Variants in LMBR1 observed in about 807,000 individuals in gnomAD.
LMBR1 encodes limb development membrane protein 1, also known as limb region 1 protein homolog.
A neutral mutation model predicts 73.9 loss-of-function variants in LMBR1; 52 were observed. The ratio of observed to expected loss-of-function variants is 0.70; its 90% CI spans 0.56 to 0.89. LMBR1 has a LOEUF of 0.89. Ranked by LOEUF, LMBR1 falls within the 40% of genes least tolerant of loss-of-function variation. The probability of loss-of-function intolerance (pLI) is 0.00; values close to 1 mark genes in which losing one functional copy is unlikely to be tolerated. For missense variants in LMBR1, 539 were observed against 579.8 expected, an observed-to-expected ratio of 0.93 and a Z score of 0.72; for synonymous variants, 215 against 209.4, an observed-to-expected ratio of 1.03 and a Z score of -0.23.
chr7:156,829,812 G>A (rs1200956320), intron 3 of LMBR1, among the ~76,000 whole-genome samples: 4 of 152,076 alleles, frequency 2.6e-5, no homozygotes, highest in Non-Finnish European at 5.9e-5. Flanking sequence ...TCAACCTCCT[G>A]CTCATCTGTG....
intron 10 of LMBR1, 133 bp from the exon 11 acceptor site, chr7:156,728,853 T>G: frequency 1.5e-6 from 1 of 669,564 alleles, no homozygotes; most frequent in Non-Finnish European, 2.4e-6. Context: ...CTCCATAAAC[T>G]AAAAAAACTA....
chr7:156,856,453 G>A (rs1243524854), intron 1 of LMBR1, among the ~76,000 whole-genome samples: 1 of 152,030 alleles, frequency 6.6e-6, no homozygotes, highest in African/African-American at 2.4e-5. Flanking sequence ...CGGTGGCTGG[G>A]CTCATGGCTG....
chr7:156,713,919 A>C (rs1812641912), intron 15 of LMBR1, among the ~76,000 whole-genome samples: 3 of 152,210 alleles, frequency 2.0e-5, no homozygotes, highest in Admixed American at 2.0e-4. Flanking sequence ...TTATAAGTTA[A>C]ATTTTTAAAG....
chr7:156,847,228 C>T (rs1402702666), intron 1 of LMBR1, among the ~76,000 whole-genome samples: 1 of 152,118 alleles, frequency 6.6e-6, no homozygotes, highest in Admixed American at 6.5e-5. Flanking sequence ...ACTGGACATC[C>T]ACATGCATAA....
chr7:156,702,343 T>C (rs903097319), intron 15 of LMBR1, among the ~76,000 whole-genome samples: 2 of 152,228 alleles, frequency 1.3e-5, no homozygotes, highest in Non-Finnish European at 2.9e-5. Context: ...GGTATCTCAT[T>C]GTGGTTCTGA....
chr7:156,827,149 T>A (rs1835842713), intron 3 of LMBR1, among the ~76,000 whole-genome samples: 1 of 152,016 alleles, frequency 6.6e-6, no homozygotes, highest in African/African-American at 2.4e-5. Context: ...AAAATTACTA[T>A]GAAAGCAGTA....
chr7:156,862,837 G>GT (rs1216638571), intron 1 of LMBR1, among the ~76,000 whole-genome samples: 4 of 152,180 alleles, frequency 2.6e-5, no homozygotes, highest in African/African-American at 7.2e-5. Context: ...TGATACATCA[G>GT]TTTTTTCCTG....
rs565430498 is a variant in LMBR1 at position 156,738,084 on chromosome 7, A to G, written c.758-3827T>C. Among the ~76,000 whole-genome samples the G allele has an allele frequency of 3.3e-5, 5 of 152,352 alleles. No homozygotes were observed. In the East Asian group the frequency reaches 9.6e-4, roughly 29 times the overall value. The stretch of plus-strand genomic sequence containing the variant: ...CTGAAAGAGGCACTGAAGAGGGTAG[A>G]AAAGACAGCCTTGAACTGCCGATGC... On this transcript the variant is annotated intron_variant, in intron 9 of 16. Coordinates refer to ENST00000353442, the MANE Select transcript of LMBR1 (RefSeq NM_022458.4).
chr7:156,696,707 A>G (rs1251401435), intron 15 of LMBR1, among the ~76,000 whole-genome samples: 1 of 152,096 alleles, frequency 6.6e-6, no homozygotes, highest in Non-Finnish European at 1.5e-5. Flanking sequence ...ATTACCTCCC[A>G]CTGAATCCCT....
intron 15 of LMBR1, among the ~76,000 whole-genome samples, chr7:156,712,496 GCAATCCCA>G (rs2132207370): frequency 6.6e-6 from 1 of 152,306 alleles, no homozygotes; most frequent in East Asian, 1.9e-4. Context: ...ATCTGATCCA[GCAATCCCA>G]GTACTGGGTA....
At chr7:156,756,775 A>G (rs976504774) in intron 8 of LMBR1, among the ~76,000 whole-genome samples, 3 of 152,132 alleles carry the variant, frequency 2.0e-5, no homozygotes, top group African/African-American at 7.2e-5. Flanking sequence ...TTTTTTAGTG[A>G]CATTCTGAGA....
chr7:156,676,605 G>A, downstream of LMBR1: 1 of 1,614,206 alleles, frequency 6.2e-7, no homozygotes, highest in Non-Finnish European at 8.5e-7. Context: ...TCCTTTCCAT[G>A]CCTGTCCTCT....
chr7:156,892,726 G>T (rs1354412392), intron 1 of LMBR1: 1 of 383,810 alleles, frequency 2.6e-6, no homozygotes, highest in African/African-American at 2.3e-5. Flanking sequence ...AAGCGAAGGG[G>T]AGGGGAGGGG....
At position 156,680,870 on chromosome 7, in the gene LMBR1, C is replaced by A; in HGVS notation, c.*3208G>T. The A allele has an allele frequency of 3.9e-5, 9 of 230,162 alleles. No individual in the cohort carries two copies. The highest frequency in any genetic ancestry group is 5.1e-5 in the Non-Finnish European group (6 of 118,028). The allele number at this position is 230,162 out of a possible 1,614,324, so 14.3% of individuals were successfully genotyped here. The stretch of plus-strand genomic sequence containing the variant: ...ACCCCACATATAAATGCTTATAAAC[C>A]AAATATGAAATCACTTTTTGTACAA... On this transcript the variant is annotated 3_prime_UTR_variant, in exon 17 of 17. Transcript: ENST00000353442.
intron 5 of LMBR1, among the ~76,000 whole-genome samples, chr7:156,794,786 T>C (rs1395104267): frequency 5.9e-5 from 9 of 152,148 alleles, no homozygotes; most frequent in Non-Finnish European, 1.3e-4. Flanking sequence ...GCAGGCAATG[T>C]CACAGAGTCA....
intron 5 of LMBR1, among the ~76,000 whole-genome samples, chr7:156,790,993 C>T (rs765726674): frequency 1.3e-5 from 2 of 152,066 alleles, no homozygotes; most frequent in Non-Finnish European, 2.9e-5. Context: ...GATCCATAAC[C>T]ATTTCTAAGG....
chr7:156,791,390 C>T (rs544397792), intron 5 of LMBR1, among the ~76,000 whole-genome samples: 11 of 152,162 alleles, frequency 7.2e-5, no homozygotes, highest in Admixed American at 7.2e-4. Flanking sequence ...GGCTGGACTT[C>T]CTACTCACTC....
intron 5 of LMBR1, among the ~76,000 whole-genome samples, chr7:156,786,412 C>T (rs910389037): frequency 2.0e-5 from 3 of 151,988 alleles, no homozygotes; most frequent in Admixed American, 6.6e-5. Context: ...GTAAGGGTAA[C>T]GTTATTGTAT....
chr7:156,769,855 T>C (rs1006621746), intron 5 of LMBR1, among the ~76,000 whole-genome samples: 2 of 152,118 alleles, frequency 1.3e-5, no homozygotes, highest in Non-Finnish European at 2.9e-5. Context: ...GAGGGAGCCA[T>C]CACTTCATCC....
Sources: gnomAD v4.1 joint callset for allele counts (sites outside exome capture counted in the v4.1 genomes callset) on GRCh38, gnomAD v4.1.1 for gene constraint, MANE v1.5 for transcripts, NCBI Gene and HGNC (gene_info 2026-07-23, HGNC 2026-07-21) for gene names.